Variants in ACACB observed in about 807,000 individuals in gnomAD.
ACACB encodes acetyl-CoA carboxylase beta, also known as acetyl-CoA carboxylase 2.
A neutral mutation model predicts 278.8 loss-of-function variants in ACACB; 209 were observed. That is an observed-to-expected ratio of 0.75 (90% CI 0.67 to 0.84). ACACB has a LOEUF of 0.84. Among genes scored for constraint, ACACB ranks in the 40% least tolerant of loss-of-function variants. The probability of loss-of-function intolerance (pLI) is 0.00; values close to 1 mark genes in which losing one functional copy is unlikely to be tolerated. For missense variants in ACACB, 2,850 were observed against 3,269.0 expected (o/e 0.87, Z 3.13); for synonymous variants, 1,174 against 1,285.6 (o/e 0.91, Z 1.86).
intron 4 of ACACB, 109 bp downstream of exon 4, chr12:109,168,143 T>G (rs1429024240): frequency 3.4e-6 from 4 of 1,180,878 alleles, no homozygotes; most frequent in Non-Finnish European, 3.5e-6. Context: ...GGTCAGGACC[T>G]CTCATGAGTC....
chr12:109,196,537 A>C (rs1346178703), intron 16 of ACACB, among the ~76,000 whole-genome samples: 3 of 152,154 alleles, frequency 2.0e-5, no homozygotes, highest in African/African-American at 7.2e-5. Context: ...CAAGGGCCCC[A>C]CCTTCATGAT....
At chr12:109,184,272 C>T (rs1469643064) in intron 11 of ACACB, among the ~76,000 whole-genome samples, 4 of 152,032 alleles carry the variant, frequency 2.6e-5, no homozygotes, top group Non-Finnish European at 2.9e-5. Context: ...AGGCTGGTCT[C>T]GAACTCCTGA....
chr12:109,124,742 T>C (rs2042636071), intron 1 of ACACB, among the ~76,000 whole-genome samples: 1 of 152,176 alleles, frequency 6.6e-6, no homozygotes, highest in South Asian at 2.1e-4. Context: ...TGAGACAGGG[T>C]CTCTCTCTGT....
At chr12:109,266,066 C>T (rs926251678) in intron 52 of ACACB, among the ~76,000 whole-genome samples, 170 bp from the exon 53 acceptor site, 2 of 152,218 alleles carry the variant, frequency 1.3e-5, no homozygotes, top group Admixed American at 6.5e-5. Context: ...TTCTGAACTT[C>T]AGGTCACAGC....
At position 109,222,685 on chromosome 12, in the gene ACACB, C is replaced by T. The variant is rs73398064; in HGVS notation, c.3678+65C>T. Reference sequence around the variant, plus strand: ...CCCCACCCTCCTATGTGTCCCCTACCGTGCTCAGCCCTCACCATGCACAGT... The same window carrying T: ...CCCCACCCTCCTATGTGTCCCCTACTGTGCTCAGCCCTCACCATGCACAGT... On this transcript the variant is annotated intron_variant, in intron 25 of 52. Transcript: ENST00000338432. 4.6e-3 allele frequency: 7,051 copies of T among 1,526,580 alleles called. 265 individuals carry two copies. In the African/African-American group the frequency reaches 0.084, roughly 18 times the overall value. The allele number at this position is 1,526,580 out of a possible 1,614,324, so 94.6% of individuals were successfully genotyped here. A position where few individuals can be genotyped will look rare whatever the true frequency, so the allele number is the denominator to read the frequency against.
intron 2 of ACACB, among the ~76,000 whole-genome samples, chr12:109,162,749 G>A (rs1046078497): frequency 3.3e-5 from 5 of 152,064 alleles, no homozygotes; most frequent in Non-Finnish European, 7.4e-5. Context: ...GGGGAATCTG[G>A]CCAGCGAGAG....
At chr12:109,124,189 T>G (rs1252038747) in intron 1 of ACACB, among the ~76,000 whole-genome samples, 3 of 152,132 alleles carry the variant, frequency 2.0e-5, no homozygotes, top group African/African-American at 7.2e-5. Flanking sequence ...AAGATGTCTT[T>G]GAATGGTTTT....
intron 42 of ACACB, chr12:109,252,711 C>T (rs1593709969): frequency 4.4e-6 from 1 of 227,918 alleles, no homozygotes; most frequent in East Asian, 9.2e-5. Flanking sequence ...CCTGCTGAAT[C>T]AGAAACACTA....
chr12:109,235,685 A>T, intron 33 of ACACB, 38 bp downstream of exon 33: 1 of 1,576,094 alleles, frequency 6.3e-7, no homozygotes, highest in Non-Finnish European at 8.7e-7. Flanking sequence ...CTTCTCTAGC[A>T]TCTTGTTTTA....
At position 109,235,359 on chromosome 12, in the gene ACACB, T is replaced by C. The variant is rs758510596; in HGVS notation, c.4394T>C (p.Ile1465Thr). 3.0e-5 allele frequency: 49 copies of C among 1,613,978 alleles called. No individual in the cohort carries two copies. The highest frequency in any genetic ancestry group is 3.7e-5 in the Non-Finnish European group (44 of 1,179,942). ...GGACTCCGACGAATCACATTCTTGA[T>C]TGCCCAAGAGGTTAGTTCACAGTTC... is the stretch of plus-strand genomic sequence containing the variant. ...DYGLRRITFL[I>T]AQEKEFPKFF... Residue 1465 changes from isoleucine to threonine, a missense_variant, in exon 32 of 53, where the codon ATT becomes ACT. Physicochemically the swap from Ile to Thr is moderately conservative, Grantham distance 89. Around this residue, in one of 3 missense-constraint regions of ACACB, gnomAD observed 2,265 missense variants for 2,561.3 expected, o/e 0.88. Coordinates refer to ENST00000338432, the MANE Select transcript of ACACB (RefSeq NM_001093.4).
In ACACB at chr12:109,166,679, C is replaced by CAAAAAAAAA. The variant is rs1225818948; in HGVS notation, c.654-182_654-181insAAAAAAAAA. On this transcript the variant is annotated intron_variant, in intron 2 of 52. Transcript: ENST00000338432. The stretch of plus-strand genomic sequence containing the variant: ...AAAAAAAAAAAAAAAAAAAAAAAAC[C>CAAAAAAAAA]GAAGGTGCTTCCTGCCCTTGAGCCT... Among the ~76,000 whole-genome samples, 177 of 20,790 alleles carry CAAAAAAAAA rather than the reference C, an allele frequency of 8.5e-3. 36 individuals carry two copies. The highest frequency in any genetic ancestry group is 0.02 in the Non-Finnish European group (127 of 6,490). 13.6% of individuals were successfully genotyped at this position (20,790 alleles called of 152,430 possible). A position where few individuals can be genotyped will look rare whatever the true frequency, so the allele number is the denominator to read the frequency against.
In ACACB at chr12:109,267,310, G is replaced by C. The variant is rs1163089495; in HGVS notation, c.*948G>C. The stretch of plus-strand genomic sequence containing the variant: ...CCAGGGATTCTCTTTTTGAGAGAGG[G>C]AAAGCAAAATGAATGGAAGTACCCA... On this transcript the variant is annotated 3_prime_UTR_variant, in exon 53 of 53. Coordinates refer to ENST00000338432, the MANE Select transcript of ACACB (RefSeq NM_001093.4). The C allele has an allele frequency of 6.6e-6, 1 of 152,298 alleles. No homozygotes were observed. Among genetic ancestry groups the C allele is most frequent in the African/African-American group, 2.4e-5 (1 of 41,464 alleles). 9.4% of individuals were successfully genotyped at this position (152,298 alleles called of 1,614,324 possible).
At chr12:109,197,182 G>C (rs780350940) in intron 17 of ACACB, 29 bp downstream of exon 17, 1 of 1,591,350 alleles carries the variant, frequency 6.3e-7, no homozygotes, top group Non-Finnish European at 8.5e-7. Context: ...CCCACTGTGG[G>C]CTGGGCATGC....
chr12:109,180,620 G>A (rs946442370), intron 11 of ACACB, among the ~76,000 whole-genome samples: 6 of 151,838 alleles, frequency 4.0e-5, no homozygotes, highest in African/African-American at 1.5e-4. Context: ...ATATTTATAG[G>A]GTGCAAGAGA....
intron 3 of ACACB, 43 bp from the exon 4 acceptor site, chr12:109,167,853 G>A: frequency 6.2e-7 from 1 of 1,613,174 alleles, no homozygotes; most frequent in Non-Finnish European, 8.5e-7. Flanking sequence ...CCCCAGCGCA[G>A]GTAGATGTGC....
At chr12:109,155,488 T>C (rs1054508710) in intron 2 of ACACB, among the ~76,000 whole-genome samples, 2 of 152,098 alleles carry the variant, frequency 1.3e-5, no homozygotes, top group African/African-American at 2.4e-5. Flanking sequence ...TGTCTGTTGT[T>C]GACAATTCAG....
chr12:109,252,092 G>T lies in ACACB; in HGVS notation c.5837G>T (p.Gly1946Val). The change falls in exon 42 of 53, where the codon GGC (glycine) becomes GTC (valine). Residue 1946 changes from glycine to valine, a missense_variant. Around this residue, in one of 3 missense-constraint regions of ACACB, gnomAD observed 579 missense variants for 684.6 expected, o/e 0.85. Transcript: ENST00000338432. ...ATTGGGGCCTACTTGGTGAGGCTGG[G>T]CCAGCGAGTGATCCAGGTGGAGAAT... ...IGIGAYLVRLGQRVIQVENSH... is the reference protein window; with the variant it reads ...IGIGAYLVRLVQRVIQVENSH... 6.2e-7 allele frequency: 1 copy of T among 1,613,656 alleles called. No homozygotes were observed. The highest frequency in any genetic ancestry group is 8.5e-7 in the Non-Finnish European group (1 of 1,179,858).
rs535477677 is a variant in ACACB at position 109,185,482 on chromosome 12, T to C, written c.1819-97T>C. The C allele has an allele frequency of 1.3e-5, 17 of 1,338,180 alleles. No individual in the cohort carries two copies. In the African/African-American group the frequency reaches 1.7e-4, roughly 14 times the overall value. 82.9% of individuals were successfully genotyped at this position (1,338,180 alleles called of 1,614,324 possible). A position where few individuals can be genotyped will look rare whatever the true frequency, so the allele number is the denominator to read the frequency against. ...AGTAGTGTCTGTATATCCTAAATCA[T>C]TGACTGAACCTCCGTTGCATCTACC... On this transcript the variant is annotated intron_variant, in intron 11 of 52. Transcript: ENST00000338432.
intron 48 of ACACB, 78 bp downstream of exon 48, chr12:109,260,735 T>C: frequency 7.3e-7 from 1 of 1,375,858 alleles, no homozygotes; most frequent in East Asian, 2.6e-5. Flanking sequence ...TGGGAGATCA[T>C]GGAGGGATGC....
Sources: allele counts gnomAD v4.1 joint callset (sites outside exome capture counted in the v4.1 genomes callset), GRCh38; gene constraint gnomAD v4.1.1; regional missense constraint gnomAD v4.1.1; transcripts MANE v1.5; gene names NCBI Gene and HGNC (gene_info 2026-07-23, HGNC 2026-07-21).